CUL4A: variants seen among roughly 807,000 people sequenced by gnomAD.
CUL4A encodes cullin 4A.
In CUL4A, 16 loss-of-function variants were observed where a neutral mutation model predicts 95.5. The observed-to-expected ratio is 0.17, with a 90% CI of 0.11 to 0.25. The LOEUF (loss-of-function observed/expected upper bound fraction) is 0.25, where lower values mean the gene tolerates loss of function less well. CUL4A is among the 10% of genes least tolerant of loss of function. CUL4A has a pLI of 1.00. For missense variants in CUL4A, 610 were observed against 937.0 expected, an observed-to-expected ratio of 0.65 and a Z score of 4.56; for synonymous variants, 380 against 353.1, an observed-to-expected ratio of 1.08 and a Z score of -0.85.
chr13:113,229,604 TAA>T, intron 5 of CUL4A, 85 bp downstream of exon 5: 2 of 1,127,380 alleles, frequency 1.8e-6, no homozygotes, highest in Non-Finnish European at 2.6e-6. Flanking sequence ...GCTAAGATGG[TAA>T]AGTGTGTGTG....
At chr13:113,233,547 T>C (rs2041435414) in intron 6 of CUL4A, among the ~76,000 whole-genome samples, 2 of 152,122 alleles carry the variant, frequency 1.3e-5, no homozygotes, top group African/African-American at 2.4e-5. Context: ...TATCACTACA[T>C]AAAATGCACG....
At chr13:113,236,941 C>A (rs1192151373) in intron 9 of CUL4A, 51 bp downstream of exon 9, 1 of 1,314,558 alleles carries the variant, frequency 7.6e-7, no homozygotes, top group South Asian at 1.2e-5. Context: ...ATCCTTAGTT[C>A]ATTAGGAAAG....
At chr13:113,209,564 C>CGGGCG (rs1567002992), upstream of CUL4A, 1 of 875,292 alleles carries the variant, frequency 1.1e-6, no homozygotes, top group East Asian at 1.4e-4. Context: ...CGGACCGGGG[C>CGGGCG]GGGCGGAGCG....
At position 113,209,700 on chromosome 13, in the gene CUL4A, G is replaced by A. The variant is rs1003487287; in HGVS notation, c.73G>A (p.Ala25Thr). 8 of 1,153,718 alleles carry A rather than the reference G, an allele frequency of 6.9e-6. No individual in the cohort carries two copies. In the African/African-American group the frequency reaches 1.3e-4, roughly 19 times the overall value. 71.5% of individuals were successfully genotyped at this position (1,153,718 alleles called of 1,614,324 possible). A position where few individuals can be genotyped will look rare whatever the true frequency, so the allele number is the denominator to read the frequency against. ...VGRTNGLTKP[A>T]ALAAAPAKPG... Reference sequence around the variant, plus strand: ...CCGCACCAACGGCCTCACCAAGCCCGCGGCCCTGGCCGCCGCGCCCGCCAA... The same window carrying A: ...CCGCACCAACGGCCTCACCAAGCCCACGGCCCTGGCCGCCGCGCCCGCCAA... Residue 25 changes from alanine (A) to threonine (T), a missense_variant, in exon 1 of 20, where the codon GCG becomes ACG. This residue lies in a region of CUL4A where 168 missense variants were observed against 185.5 expected (regional missense o/e 0.91). Transcript: ENST00000375440.
At chr13:113,224,282 G>A (rs890386304) in intron 3 of CUL4A, among the ~76,000 whole-genome samples, 5 of 152,054 alleles carry the variant, frequency 3.3e-5, no homozygotes, top group Non-Finnish European at 7.4e-5. Flanking sequence ...GAACCCGGGA[G>A]GCAGATCTTG....
In CUL4A at chr13:113,260,203, CAAAA is replaced by C. The variant is rs71101559; in HGVS notation, c.2032-391_2032-388del. 8.0e-4 allele frequency among the ~76,000 whole-genome samples: 10 copies of C among 12,528 alleles called. 4 individuals are homozygous for C. Among genetic ancestry groups the C allele is most frequent in the Admixed American group, 2.0e-3 (1 of 496 alleles). The allele number at this position is 12,528 out of a possible 152,430, so 8.2% of individuals were successfully genotyped here. ...TGGGTGACAGAGTGAGACTCCGTCT[CAAAA>C]AAAAAAAAAAAACCATTTCCCATCA... is the stretch of plus-strand genomic sequence containing the variant. On this transcript the variant is annotated intron_variant, in intron 18 of 19. Transcript: ENST00000375440.
At chr13:113,221,758 A>G (rs753083575) in intron 3 of CUL4A, among the ~76,000 whole-genome samples, 13 of 151,926 alleles carry the variant, frequency 8.6e-5, no homozygotes, top group Non-Finnish European at 1.6e-4. Flanking sequence ...TTGTATTTTT[A>G]GTAGAGACGG....
At chr13:113,242,133 G>A (rs1440575002) in intron 10 of CUL4A, among the ~76,000 whole-genome samples, 1 of 152,214 alleles carries the variant, frequency 6.6e-6, no homozygotes, top group East Asian at 1.9e-4. Context: ...TGGCCAACAT[G>A]GTGAAACCCC....
Position 113,259,392 on chromosome 13 carries a change from A to G in CUL4A, c.2032-1215A>G, listed in dbSNP as rs117915386. On this transcript the variant is annotated intron_variant, in intron 18 of 19. Coordinates refer to ENST00000375440, the MANE Select transcript of CUL4A (RefSeq NM_001008895.4). The stretch of plus-strand genomic sequence containing the variant: ...AAGCATACTTGCCTCATATGTATGC[A>G]CAGACCTTCCCCCAGCCCTCATTTC... Among the ~76,000 whole-genome samples the G allele has an allele frequency of 7.2e-3, 1,090 of 152,342 alleles. 51 individuals carry two copies. The highest frequency in any genetic ancestry group is 0.058 in the Admixed American group (892 of 15,306).
chr13:113,223,607 G>A (rs747006283), intron 3 of CUL4A, among the ~76,000 whole-genome samples: 37 of 152,302 alleles, frequency 2.4e-4, no homozygotes, highest in Non-Finnish European at 3.7e-4. Flanking sequence ...ACATTGGTCA[G>A]GCTGGTCTCG....
rs1186044354 is a variant in CUL4A, at chr13:113,246,139, T to C, written c.1638+76T>C. 8 of 1,086,286 alleles carry C rather than the reference T, an allele frequency of 7.4e-6. No individual in the cohort carries two copies. In the South Asian group the frequency reaches 9.8e-5, roughly 13 times the overall value. 67.3% of individuals were successfully genotyped at this position (1,086,286 alleles called of 1,614,324 possible). ...GGCACAGATATGTTGCCTTCAAGAA[T>C]TGTTGAATGGGGAGTTTTTAAAAAT... On this transcript the variant is annotated intron_variant, in intron 15 of 19. Coordinates refer to ENST00000375440, the MANE Select transcript of CUL4A (RefSeq NM_001008895.4).
At chr13:113,244,121 A>G (rs1566359117) in intron 11 of CUL4A, 3 of 281,122 alleles carry the variant, frequency 1.1e-5, no homozygotes, top group African/African-American at 2.2e-5. Context: ...AAACCTGAGC[A>G]TGTATTTGCT....
intron 19 of CUL4A, among the ~76,000 whole-genome samples, chr13:113,262,557 G>A (rs1357074192): frequency 6.6e-6 from 1 of 152,220 alleles, no homozygotes; most frequent in Non-Finnish European, 1.5e-5. Flanking sequence ...GCTGAAGCAC[G>A]AAGATTGCTT....
At chr13:113,238,759 T>C (rs2041620868) in intron 9 of CUL4A, among the ~76,000 whole-genome samples, 1 of 152,222 alleles carries the variant, frequency 6.6e-6, no homozygotes, top group Admixed American at 6.5e-5. Flanking sequence ...TCCTCGTTTG[T>C]GTGAACATCG....
chr13:113,214,527 A>G (rs774575519), intron 2 of CUL4A, among the ~76,000 whole-genome samples: 195 of 152,008 alleles, frequency 1.3e-3, no homozygotes, highest in Admixed American at 3.3e-3. Context: ...TTTAAAAAAA[A>G]AGAGAGAGAG....
upstream of CUL4A, among the ~76,000 whole-genome samples, chr13:113,209,176 G>A (rs970556375): frequency 2.7e-5 from 4 of 149,336 alleles, no homozygotes; most frequent in African/African-American, 9.9e-5. Context: ...CACGCCCGGG[G>A]TGGGGGTGCC....
rs1453533044 is a variant in CUL4A at position 113,264,437 on chromosome 13, G to A, written c.*855G>A. On this transcript the variant is annotated 3_prime_UTR_variant, in exon 20 of 20. Transcript: ENST00000375440. ...GGTTTTTACAGTCATGCGCAGGGAC[G>A]ATCCTTGTTCTCTGCTGTAAACTGT... is the stretch of plus-strand genomic sequence containing the variant. 1 of 152,158 alleles carries A rather than the reference G, an allele frequency of 6.6e-6. No homozygotes were observed. Among genetic ancestry groups the A allele is most frequent in the African/African-American group, 2.4e-5 (1 of 41,438 alleles). 9.4% of individuals were successfully genotyped at this position (152,158 alleles called of 1,614,324 possible).
At chr13:113,209,547 G>C, upstream of CUL4A, 1 of 844,018 alleles carries the variant, frequency 1.2e-6, no homozygotes, top group Non-Finnish European at 1.4e-6. Context: ...ACGGGGCGGA[G>C]GCCGCGCGGA....
At chr13:113,238,021 C>T (rs1377502317) in intron 9 of CUL4A, among the ~76,000 whole-genome samples, 2 of 152,154 alleles carry the variant, frequency 1.3e-5, no homozygotes, top group African/African-American at 2.4e-5. Context: ...CTGAGAGTCA[C>T]GGGTCCAATC....
Sources: allele counts gnomAD v4.1 joint callset (sites outside exome capture counted in the v4.1 genomes callset), GRCh38; gene constraint gnomAD v4.1.1; regional missense constraint gnomAD v4.1.1; transcripts MANE v1.5; gene names NCBI Gene and HGNC (gene_info 2026-07-23, HGNC 2026-07-21).